The following EIF3E variants were observed in gnomAD, a reference collection of about 807,000 sequenced individuals.
EIF3E encodes the protein eukaryotic translation initiation factor 3 subunit E.
A neutral mutation model predicts 59.3 loss-of-function variants in EIF3E; 25 were observed. That is an observed-to-expected ratio of 0.42 (90% confidence interval 0.31 to 0.59). EIF3E has a LOEUF of 0.59. EIF3E is among the 20% of genes least tolerant of loss of function. EIF3E has a pLI of 0.15. For missense variants in EIF3E, 317 were observed against 534.3 expected (o/e 0.59, Z 4.01); for synonymous variants, 176 against 170.2 (o/e 1.03, Z -0.26).
intron 1 of EIF3E, among the ~76,000 whole-genome samples, chr8:108,244,263 G>C (rs1056756328): frequency 1.2e-4 from 18 of 152,110 alleles, no homozygotes; most frequent in African/African-American, 3.9e-4. Flanking sequence ...GCTAATGTTT[G>C]CAAATGTTCC....
chr8:108,228,236 A>C (rs536342762), intron 7 of EIF3E, 31 bp downstream of exon 7: 2 of 1,547,400 alleles, frequency 1.3e-6, no homozygotes, highest in Non-Finnish European at 1.7e-6. Flanking sequence ...TTATCTAAAC[A>C]AAGCCAAAAT....
At chr8:108,246,938 T>C (rs1815960002) in intron 1 of EIF3E, among the ~76,000 whole-genome samples, 1 of 152,376 alleles carries the variant, frequency 6.6e-6, no homozygotes, top group South Asian at 2.1e-4. Context: ...AGCATTAGGA[T>C]ATATTAAGTT....
At chr8:108,218,782 C>CTT (rs35642365) in intron 7 of EIF3E, among the ~76,000 whole-genome samples, 1,286 of 111,094 alleles carry the variant, frequency 0.012, 35 homozygotes, top group African/African-American at 0.022. Flanking sequence ...TATTTTATTT[C>CTT]TTTTTTTTTT....
At chr8:108,229,692 A>G (rs1815585899) in intron 5 of EIF3E, among the ~76,000 whole-genome samples, 1 of 152,186 alleles carries the variant, frequency 6.6e-6, no homozygotes, top group South Asian at 2.1e-4. Flanking sequence ...AGACAGGAAA[A>G]AAGCAGGCCC....
intron 7 of EIF3E, among the ~76,000 whole-genome samples, chr8:108,222,227 T>C (rs76269014): frequency 0.013 from 1,963 of 152,246 alleles, 51 homozygotes; most frequent in African/African-American, 0.044. Context: ...AAAAATGTTT[T>C]AGAGATAGGT....
Position 108,204,425 on chromosome 8 carries a change from T to C in EIF3E, c.1062-922A>G, listed in dbSNP as rs975229377. 3.0e-4 allele frequency among the ~76,000 whole-genome samples: 46 copies of C among 152,022 alleles called. 1 individual carries two copies. ...CAATTTGGATGAAACTGGAGGCCAT[T>C]ATTCTAGGTGAAGTAATGCAGGAGT... On this transcript the variant is annotated intron_variant, in intron 10 of 12. Transcript: ENST00000220849.
chr8:108,241,976 T>G (rs1318278724), intron 1 of EIF3E, 63 bp from the exon 2 acceptor site: 2 of 1,246,112 alleles, frequency 1.6e-6, no homozygotes, highest in Non-Finnish European at 2.2e-6. Flanking sequence ...TGATTAATAC[T>G]AAAACTAATT....
Position 108,242,332 on chromosome 8 carries a change from C to T in EIF3E, c.91-419G>A, listed in dbSNP as rs1423847643. 2.3e-6 allele frequency: 3 copies of T among 1,289,650 alleles called. No homozygotes were observed. In the African/African-American group the frequency reaches 4.5e-5, roughly 20 times the overall value. 79.9% of individuals were successfully genotyped at this position (1,289,650 alleles called of 1,614,324 possible). On this transcript the variant is annotated intron_variant, in intron 1 of 12. Transcript: ENST00000220849. ...AAACTCCTATATGCTTCTCCATCCA[C>T]ATTGCTGAAACAACCTGCACCAAGT... is the stretch of plus-strand genomic sequence containing the variant.
At chr8:108,220,514 T>C (rs1815390458) in intron 7 of EIF3E, among the ~76,000 whole-genome samples, 1 of 152,372 alleles carries the variant, frequency 6.6e-6, no homozygotes, top group Middle Eastern at 3.4e-3. Flanking sequence ...TTATTACTTA[T>C]GATTCATACC....
At chr8:108,242,084 C>T in intron 1 of EIF3E, 171 bp from the exon 2 acceptor site, 1 of 1,450,362 alleles carries the variant, frequency 6.9e-7, no homozygotes, top group South Asian at 1.3e-5. Flanking sequence ...AAGCAACCAA[C>T]CTATAGACGT....
chr8:108,218,974 T>C (rs1317673097), intron 7 of EIF3E, among the ~76,000 whole-genome samples: 2 of 151,816 alleles, frequency 1.3e-5, no homozygotes, highest in South Asian at 2.1e-4. Context: ...TTAGTAGAGA[T>C]GGGGTTTCAC....
chr8:108,212,217 G>A (rs1441213393), intron 10 of EIF3E, among the ~76,000 whole-genome samples: 1 of 152,080 alleles, frequency 6.6e-6, no homozygotes, highest in Non-Finnish European at 1.5e-5. Context: ...AATGGGCTCT[G>A]CTTTGATCTG....
At chr8:108,217,281 G>T in intron 8 of EIF3E, 53 bp downstream of exon 8, 4 of 1,347,188 alleles carry the variant, frequency 3.0e-6, no homozygotes, top group South Asian at 1.5e-5. Flanking sequence ...AAAGAGGTTA[G>T]ACCTAAAGCT....
intron 3 of EIF3E, among the ~76,000 whole-genome samples, chr8:108,239,280 T>G (rs568020581): frequency 1.3e-5 from 2 of 152,292 alleles, no homozygotes; most frequent in South Asian, 4.1e-4. Flanking sequence ...CCTCCCGGGC[T>G]CAAGCCATCC....
chr8:108,212,447 A>C (rs1815230058), intron 10 of EIF3E, among the ~76,000 whole-genome samples: 1 of 152,226 alleles, frequency 6.6e-6, no homozygotes, highest in African/African-American at 2.4e-5. Flanking sequence ...CTGAAAAGTA[A>C]CTGTGTTGTT....
intron 4 of EIF3E, among the ~76,000 whole-genome samples, 153 bp from the exon 5 acceptor site, chr8:108,235,255 T>C (rs1050311442): frequency 6.6e-6 from 1 of 152,236 alleles, no homozygotes. Context: ...GATTATGGTA[T>C]TTATTTTTGG....
intron 7 of EIF3E, among the ~76,000 whole-genome samples, chr8:108,220,991 A>C (rs1815399854): frequency 6.6e-6 from 1 of 152,082 alleles, no homozygotes; most frequent in Non-Finnish European, 1.5e-5. Flanking sequence ...CCAAGATTCC[A>C]CCACTGCACT....
rs1339081930 is a variant in EIF3E at position 108,214,588 on chromosome 8, C to G, written c.1061+19G>C. On this transcript the variant is annotated intron_variant, in intron 10 of 12. Transcript: ENST00000220849. ...GAATTTTAAAGTAGAAAATCCAAAT[C>G]AAATCACGGTGTTCTTACTTAATGC... 1.7e-5 allele frequency: 26 copies of G among 1,529,090 alleles called. No individual in the cohort carries two copies. Among genetic ancestry groups the G allele is most frequent in the African/African-American group, 7.0e-5 (5 of 71,254 alleles). The allele number at this position is 1,529,090 out of a possible 1,614,324, so 94.7% of individuals were successfully genotyped here.
At chr8:108,209,096 A>AACAG (rs1407131396) in intron 10 of EIF3E, among the ~76,000 whole-genome samples, 11 of 107,214 alleles carry the variant, frequency 1.0e-4, no homozygotes, top group Admixed American at 5.3e-4. Flanking sequence ...CCAAATTACA[A>AACAG]ATAGAGTTAT....
Sources: gnomAD v4.1 joint callset for allele counts (sites outside exome capture counted in the v4.1 genomes callset) on GRCh38, gnomAD v4.1.1 for gene constraint, MANE v1.5 for transcripts, NCBI Gene and HGNC (gene_info 2026-07-23, HGNC 2026-07-21) for gene names.